The following SDK1 variants were observed in gnomAD, a reference collection of about 807,000 sequenced individuals.
SDK1 encodes the protein sidekick cell adhesion molecule 1, also known as protein sidekick-1.
Under a neutral mutation model 245.5 loss-of-function variants are expected in SDK1, and 157 were observed. That is an observed-to-expected ratio of 0.64 (90% CI 0.56 to 0.73). The LOEUF is 0.73. Ranked by LOEUF, SDK1 falls within the 30% of genes least tolerant of loss-of-function variation. The pLI is 0.00. For synonymous variants in SDK1, 1,647 were observed against 1,278.5 expected (o/e 1.29, Z -6.15); for missense variants, 3,583 against 3,002.3 (o/e 1.19, Z -4.52).
At chr7:3,520,010 T>C (rs1176548870) in intron 1 of SDK1, among the ~76,000 whole-genome samples, 1 of 152,218 alleles carries the variant, frequency 6.6e-6, no homozygotes, top group Admixed American at 6.5e-5. Context: ...CAGTGCTTTT[T>C]CATTGAGCAC....
chr7:3,799,062 C>G (rs1180376872), intron 4 of SDK1, among the ~76,000 whole-genome samples: 1 of 152,146 alleles, frequency 6.6e-6, no homozygotes, highest in Non-Finnish European at 1.5e-5. Flanking sequence ...ATTATTCAAT[C>G]ATTATTTGTA....
chr7:3,975,865 G>T (rs547508262), intron 13 of SDK1, among the ~76,000 whole-genome samples: 15 of 152,176 alleles, frequency 9.9e-5, no homozygotes, highest in Non-Finnish European at 1.9e-4. Context: ...GCCGGCGGCA[G>T]TGGTGCGGGG....
intron 1 of SDK1, among the ~76,000 whole-genome samples, chr7:3,403,239 T>C (rs6969044): frequency 0.16 from 24,650 of 152,130 alleles, 3,237 homozygotes; most frequent in African/African-American, 0.36. Context: ...TGACCTATAC[T>C]TCTGTTTCTT....
intron 35 of SDK1, among the ~76,000 whole-genome samples, chr7:4,183,822 A>G (rs1007944152): frequency 6.6e-6 from 1 of 152,160 alleles, no homozygotes; most frequent in Non-Finnish European, 1.5e-5. Flanking sequence ...ACTAAAAAGT[A>G]AATTCCTAGA....
chr7:3,705,721 C>G (rs1784868881), intron 4 of SDK1, among the ~76,000 whole-genome samples: 1 of 152,006 alleles, frequency 6.6e-6, no homozygotes, highest in Admixed American at 6.6e-5. Context: ...TTGACTCTCT[C>G]TTTTCCAATT....
intron 1 of SDK1, among the ~76,000 whole-genome samples, chr7:3,360,300 G>A (rs1307380413): frequency 6.6e-6 from 1 of 152,184 alleles, no homozygotes; most frequent in Non-Finnish European, 1.5e-5. Context: ...GCAATCTGTT[G>A]AATGAAGCTC....
chr7:3,583,528 T>G (rs1780584006), intron 1 of SDK1, among the ~76,000 whole-genome samples: 1 of 152,202 alleles, frequency 6.6e-6, no homozygotes, highest in African/African-American at 2.4e-5. Context: ...TGCATCTGTC[T>G]AGTTCATAGC....
At chr7:4,194,374 A>G (rs1031691601) in intron 35 of SDK1, among the ~76,000 whole-genome samples, 5 of 101,666 alleles carry the variant, frequency 4.9e-5, no homozygotes, top group South Asian at 3.5e-4. Context: ...ATGTGTATAC[A>G]TGTATGTGTA....
chr7:3,658,674 C>G (rs922191907), intron 4 of SDK1, among the ~76,000 whole-genome samples: 1 of 141,518 alleles, frequency 7.1e-6, no homozygotes, highest in Non-Finnish European at 1.5e-5. Flanking sequence ...TGCAGTGGAT[C>G]GATCTCCACT....
At chr7:4,249,328 C>T (rs528567846) in intron 44 of SDK1, among the ~76,000 whole-genome samples, 1 of 152,362 alleles carries the variant, frequency 6.6e-6, no homozygotes, top group East Asian at 1.9e-4. Flanking sequence ...ACCAGTCCTG[C>T]TCTCAGAGCT....
chr7:4,221,325 A>C lies in SDK1; in HGVS notation c.5788A>C (p.Thr1930Pro). 1 of 1,613,020 alleles carries C rather than the reference A, an allele frequency of 6.2e-7. No homozygotes were observed. Among genetic ancestry groups the C allele is most frequent in the Non-Finnish European group, 8.5e-7 (1 of 1,179,678 alleles). Reference sequence around the variant, plus strand: ...GTGGACTGAGGGACACTCTGGCGACACACCTACCACGGGCTATGTGATCGA... The same window carrying C: ...GTGGACTGAGGGACACTCTGGCGACCCACCTACCACGGGCTATGTGATCGA... Reference protein sequence around the residue: ...LQWTEGHSGDTPTTGYVIEAR... With the variant: ...LQWTEGHSGDPPTTGYVIEAR... Residue 1930 changes from threonine to proline, a missense_variant, in exon 40 of 45, where the codon ACA (threonine) becomes CCA (proline). By Grantham distance (38) the Thr-to-Pro change is conservative. Coordinates refer to ENST00000404826, the MANE Select transcript of SDK1 (RefSeq NM_152744.4).
chr7:4,230,895 A>G (rs1320560013), intron 40 of SDK1, among the ~76,000 whole-genome samples: 1 of 152,202 alleles, frequency 6.6e-6, no homozygotes, highest in Non-Finnish European at 1.5e-5. Flanking sequence ...TCCCCTGTCC[A>G]CAGGCTGTGC....
intron 4 of SDK1, among the ~76,000 whole-genome samples, chr7:3,812,366 G>C (rs1239897103): frequency 3.9e-5 from 6 of 152,136 alleles, no homozygotes; most frequent in Non-Finnish European, 8.8e-5. Context: ...GGAAAACAAA[G>C]GTGTATCTGA....
intron 5 of SDK1, among the ~76,000 whole-genome samples, chr7:3,894,698 CTTT>C (rs942252289): frequency 1.3e-4 from 17 of 135,442 alleles, no homozygotes; most frequent in Admixed American, 8.9e-4. Context: ...ACTATTTTTT[CTTT>C]TTTTTTTTTT....
chr7:3,752,949 C>G (rs964193733), intron 4 of SDK1, among the ~76,000 whole-genome samples: 4 of 152,132 alleles, frequency 2.6e-5, no homozygotes, highest in Non-Finnish European at 5.9e-5. Context: ...GTTGTTATCT[C>G]AGTCTTAAAT....
At chr7:3,741,456 T>C (rs963904076) in intron 4 of SDK1, among the ~76,000 whole-genome samples, 38 of 152,346 alleles carry the variant, frequency 2.5e-4, no homozygotes, top group Admixed American at 1.1e-3. Flanking sequence ...TTATTTTAGC[T>C]GTCCTAATCA....
At chr7:4,021,324 C>G (rs1179692889) in intron 17 of SDK1, among the ~76,000 whole-genome samples, 1 of 152,148 alleles carries the variant, frequency 6.6e-6, no homozygotes, top group Non-Finnish European at 1.5e-5. Flanking sequence ...AGTCAGCACC[C>G]AGAGGAACGG....
chr7:4,266,634 T>A lies in SDK1; in HGVS notation c.*1250T>A, dbSNP rs1788488898. ...ATTTTTCAGCTAGATGAAAAGAGTA[T>A]GAACTACTTTGGAAAACTTAACAGC... On this transcript the variant is annotated 3_prime_UTR_variant, in exon 45 of 45. Transcript: ENST00000404826. 1.0e-6 allele frequency: 1 copy of A among 985,342 alleles called. No individual in the cohort carries two copies. Among genetic ancestry groups the A allele is most frequent in the South Asian group, 4.7e-5 (1 of 21,290 alleles). The allele number at this position is 985,342 out of a possible 1,614,324, so 61.0% of individuals were successfully genotyped here.
At chr7:4,198,258 T>C (rs568794182) in intron 35 of SDK1, among the ~76,000 whole-genome samples, 17 of 152,104 alleles carry the variant, frequency 1.1e-4, no homozygotes, top group Non-Finnish European at 2.1e-4. Context: ...CCCCCCTCAT[T>C]TGCCCCTCAC....
Sources: allele counts gnomAD v4.1 joint callset (sites outside exome capture counted in the v4.1 genomes callset), GRCh38; gene constraint gnomAD v4.1.1; transcripts MANE v1.5; gene names NCBI Gene and HGNC (gene_info 2026-07-23, HGNC 2026-07-21).